The following IL1F10 variants were observed in gnomAD, a reference collection of about 807,000 sequenced individuals.
IL1F10 encodes interleukin 1 family member 10, also known as interleukin-1 family member 10.
IL1F10 carries 13 observed loss-of-function variants against 13.1 expected under a neutral mutation model. The observed-to-expected ratio is 0.99, with a 90% CI of 0.64 to 1.57. The LOEUF is 1.57. Among genes scored for constraint, IL1F10 ranks in the 40% most tolerant of loss-of-function variants. The probability of loss-of-function intolerance (pLI) is 0.00; values close to 1 mark genes in which losing one functional copy is unlikely to be tolerated. For synonymous variants in IL1F10, 78 were observed against 68.2 expected, an observed-to-expected ratio of 1.14 and a Z score of -0.71; for missense variants, 191 against 184.1, an observed-to-expected ratio of 1.04 and a Z score of -0.22.
In IL1F10 at chr2:113,074,314, G is replaced by A. The variant is rs1219340287; in HGVS notation, c.33-15G>A. The A allele has an allele frequency of 6.4e-7, 1 of 1,573,576 alleles. No individual in the cohort carries two copies. The highest frequency in any genetic ancestry group is 1.7e-5 in the Admixed American group (1 of 59,912). ...ATAAAGGGAATGGGCCATCAGCACT[G>A]TCATACTGTTTCAGAATTAAATATG... On this transcript the variant is annotated splice_polypyrimidine_tract_variant and intron_variant, in intron 2 of 4. Transcript: ENST00000341010.
rs769881053 is a variant in IL1F10 at position 113,074,342 on chromosome 2, GA to G, written c.47del (p.Asp16AlafsTer69). On this transcript the variant is annotated frameshift_variant, in exon 3 of 5. Transcript: ENST00000341010. LOFTEE classifies it high-confidence loss of function. ...MARYYIIKYA[D>X]QKALYTRDGQ... The stretch of plus-strand genomic sequence containing the variant: ...ATACTGTTTCAGAATTAAATATGCA[GA>G]CCAGAAGGCTCTATACACAAGAGAT... 10 of 1,611,872 alleles carry G rather than the reference GA, an allele frequency of 6.2e-6. No homozygotes were observed. In the African/African-American group the frequency reaches 1.3e-4, roughly 22 times the overall value.
chr2:113,074,282 G>A (rs1361836687), intron 2 of IL1F10, 47 bp from the exon 3 acceptor site: 1 of 1,225,178 alleles, frequency 8.2e-7, no homozygotes, highest in Non-Finnish European at 1.2e-6. Context: ...TTGGGGGCCA[G>A]TGGTGCATAA....
rs868101262 is a variant in IL1F10 at position 113,074,805 on chromosome 2, C to T, written c.201C>T (p.Cys67=). ...IFLGIQGGSR[C]LACVETEEGP... The stretch of plus-strand genomic sequence containing the variant: ...TGGGGATCCAGGGAGGGAGCCGCTG[C>T]CTGGCATGTGTGGAGACAGAAGAGG... The change falls in exon 4 of 5, where the codon TGC becomes TGT. Residue 67 remains cysteine, a synonymous_variant. Coordinates refer to ENST00000341010, the MANE Select transcript of IL1F10 (RefSeq NM_173161.3). 3 of 1,613,508 alleles carry T rather than the reference C, an allele frequency of 1.9e-6. No individual in the cohort carries two copies. Among genetic ancestry groups the T allele is most frequent in the Admixed American group, 3.3e-5 (2 of 60,020 alleles).
intron 4 of IL1F10, 88 bp downstream of exon 4, chr2:113,074,938 TC>T: frequency 6.6e-7 from 1 of 1,507,502 alleles, no homozygotes; most frequent in East Asian, 2.3e-5. Context: ...ATCTGTGGAT[TC>T]CCAGCCAGGT....
At chr2:113,071,429 A>C (rs1368922541) in intron 1 of IL1F10, among the ~76,000 whole-genome samples, 1 of 152,202 alleles carries the variant, frequency 6.6e-6, no homozygotes, top group Non-Finnish European at 1.5e-5. Flanking sequence ...ATTTTTCCTA[A>C]GAGTAAGGGA....
intron 2 of IL1F10, among the ~76,000 whole-genome samples, chr2:113,073,489 A>C (rs1474258845): frequency 6.6e-6 from 1 of 152,200 alleles, no homozygotes; most frequent in Non-Finnish European, 1.5e-5. Context: ...CACATAAATG[A>C]CAAAGCAGAT....
chr2:113,070,698 A>C (rs1457425020), intron 1 of IL1F10, among the ~76,000 whole-genome samples: 1 of 152,224 alleles, frequency 6.6e-6, no homozygotes, highest in Non-Finnish European at 1.5e-5. Flanking sequence ...AGTGCTGGCC[A>C]GGAGGAACCA....
Position 113,073,192 on chromosome 2 carries a change from T to G in IL1F10, c.32+422T>G, listed in dbSNP as rs113761685. On this transcript the variant is annotated intron_variant, in intron 2 of 4. Coordinates refer to ENST00000341010, the MANE Select transcript of IL1F10 (RefSeq NM_173161.3). ...ATCTTGATGGTGGTCCCTGTGGCCT[T>G]TACTCCCAGTGTGGGCTTCTAACAC... Among the ~76,000 whole-genome samples, 451 of 152,354 alleles carry G rather than the reference T, an allele frequency of 3.0e-3. 8 individuals are homozygous for G. The highest frequency in any genetic ancestry group is 0.01 in the African/African-American group (434 of 41,584).
At chr2:113,069,783 C>A (rs571352290) in intron 1 of IL1F10, among the ~76,000 whole-genome samples, 1 of 152,132 alleles carries the variant, frequency 6.6e-6, no homozygotes, top group Non-Finnish European at 1.5e-5. Flanking sequence ...ACCTTGTTAG[C>A]CTTAGGGGTG....
intron 1 of IL1F10, among the ~76,000 whole-genome samples, chr2:113,072,073 T>C (rs1685845341): frequency 1.3e-5 from 2 of 152,206 alleles, no homozygotes; most frequent in African/African-American, 4.8e-5. Flanking sequence ...AGGGCCACTA[T>C]CTTCACTGTG....
intron 4 of IL1F10, 101 bp from the exon 5 acceptor site, chr2:113,075,051 C>A: frequency 7.7e-7 from 1 of 1,291,402 alleles, no homozygotes; most frequent in Non-Finnish European, 1.1e-6. Context: ...TGGGTAAAAA[C>A]CAGCCCTGTC....
Position 113,075,142 on chromosome 2 carries a change from GC to G in IL1F10, c.247-5del. 6.3e-7 allele frequency: 1 copy of G among 1,592,098 alleles called. No individual in the cohort carries two copies. On this transcript the variant is annotated splice_polypyrimidine_tract_variant and intron_variant, in intron 4 of 4. Coordinates refer to ENST00000341010, the MANE Select transcript of IL1F10 (RefSeq NM_173161.3). Reference sequence around the variant, plus strand: ...CTCTCATTCTGCAGCCATCCACCTTGCCCCCACAGGATGTGAACATTGAGGA... The same window carrying G: ...CTCTCATTCTGCAGCCATCCACCTTGCCCCACAGGATGTGAACATTGAGGA...
chr2:113,072,732 T>C lies in IL1F10; in HGVS notation c.-7T>C. The C allele has an allele frequency of 6.2e-7, 1 of 1,613,086 alleles. No individual in the cohort carries two copies. The highest frequency in any genetic ancestry group is 8.5e-7 in the Non-Finnish European group (1 of 1,179,416). The stretch of plus-strand genomic sequence containing the variant: ...TCAGTGAGGACCAGACACCACTGAT[T>C]GCAGGAATGTGTTCCCTCCCCATGG... On this transcript the variant is annotated 5_prime_UTR_variant, in exon 2 of 5. Coordinates refer to ENST00000341010, the MANE Select transcript of IL1F10 (RefSeq NM_173161.3).
At chr2:113,070,819 T>C (rs1268229651) in intron 1 of IL1F10, among the ~76,000 whole-genome samples, 1 of 152,214 alleles carries the variant, frequency 6.6e-6, no homozygotes, top group African/African-American at 2.4e-5. Flanking sequence ...GTGGTTTATA[T>C]ATTTATTAAT....
chr2:113,074,270 G>A lies in IL1F10; in HGVS notation c.33-59G>A. On this transcript the variant is annotated intron_variant, in intron 2 of 4. Transcript: ENST00000341010. ...TGATTCAGAGCATGGAAGTGGAAGG[G>A]CTTGGGGGCCAGTGGTGCATAAAGG... is the stretch of plus-strand genomic sequence containing the variant. 7 of 1,092,062 alleles carry A rather than the reference G, an allele frequency of 6.4e-6. No individual in the cohort carries two copies. In the South Asian group the frequency reaches 7.6e-5, roughly 12 times the overall value. 67.6% of individuals were successfully genotyped at this position (1,092,062 alleles called of 1,614,324 possible).
Position 113,075,138 on chromosome 2 carries a change from C to A in IL1F10, c.247-14C>A. ...AGCACTCTCATTCTGCAGCCATCCA[C>A]CTTGCCCCCACAGGATGTGAACATT... On this transcript the variant is annotated splice_polypyrimidine_tract_variant and intron_variant, in intron 4 of 4. Transcript: ENST00000341010. 1.9e-6 allele frequency: 3 copies of A among 1,589,670 alleles called. No individual in the cohort carries two copies. The highest frequency in any genetic ancestry group is 2.6e-6 in the Non-Finnish European group (3 of 1,165,224).
intron 2 of IL1F10, among the ~76,000 whole-genome samples, chr2:113,073,349 T>A (rs3811053): frequency 6.6e-6 from 1 of 151,954 alleles, no homozygotes; most frequent in South Asian, 2.1e-4. Flanking sequence ...GACTCTGGGA[T>A]GCATTTCCTC....
intron 1 of IL1F10, among the ~76,000 whole-genome samples, chr2:113,070,565 C>G (rs962226976): frequency 6.6e-6 from 1 of 152,188 alleles, no homozygotes; most frequent in African/African-American, 2.4e-5. Flanking sequence ...TGTCCTGCTG[C>G]TACAACCAAA....
At chr2:113,072,900 A>G (rs921855031) in intron 2 of IL1F10, 130 bp downstream of exon 2, 3 of 734,888 alleles carry the variant, frequency 4.1e-6, no homozygotes, top group African/African-American at 3.5e-5. Context: ...ATTAAGCTTC[A>G]TCATCACCAC....
Sources: gnomAD v4.1 joint callset for allele counts (sites outside exome capture counted in the v4.1 genomes callset) on GRCh38, gnomAD v4.1.1 for gene constraint, MANE v1.5 for transcripts, NCBI Gene and HGNC (gene_info 2026-07-23, HGNC 2026-07-21) for gene names.